TLN2: variants seen among roughly 807,000 people sequenced by gnomAD.
The protein encoded by TLN2 is talin 2.
Under a neutral mutation model 294.7 loss-of-function variants are expected in TLN2, and 118 were observed. The observed-to-expected ratio is 0.40, with a 90% CI of 0.34 to 0.47. TLN2 has a LOEUF of 0.47. Ranked by LOEUF, TLN2 falls within the 20% of genes least tolerant of loss-of-function variation. The probability of loss-of-function intolerance (pLI) is 0.84; values close to 1 mark genes in which losing one functional copy is unlikely to be tolerated. For missense variants in TLN2, 3,083 were observed against 3,282.2 expected, an observed-to-expected ratio of 0.94 and a Z score of 1.48; for synonymous variants, 1,431 against 1,304.5, an observed-to-expected ratio of 1.10 and a Z score of -2.09.
In TLN2 at chr15:62,762,328, A is replaced by G. The variant is rs1389913798; in HGVS notation, c.4836A>G (p.Ser1612=). The change falls in exon 39 of 59, where the codon TCA becomes TCG. Residue 1612 remains serine (S), a synonymous_variant. Coordinates refer to ENST00000636159, the MANE Select transcript of TLN2 (RefSeq NM_015059.3). ...CAGCCAAGACCATGCTGGAGAGTTCATCGTACCTCATTCGCACTGCACGCT... is the reference window on the plus strand; with the variant it reads ...CAGCCAAGACCATGCTGGAGAGTTCGTCGTACCTCATTCGCACTGCACGCT... ...LVSAKTMLES[S]SYLIRTARSL... The G allele has an allele frequency of 1.2e-6, 2 of 1,614,076 alleles. No individual in the cohort carries two copies. Among genetic ancestry groups the G allele is most frequent in the Non-Finnish European group, 8.5e-7 (1 of 1,180,048 alleles).
At chr15:62,659,696 G>GTA (rs1196012797) in intron 9 of TLN2, among the ~76,000 whole-genome samples, 3 of 152,160 alleles carry the variant, frequency 2.0e-5, no homozygotes, top group Admixed American at 6.5e-5. Flanking sequence ...AGTGGTACCT[G>GTA]TACCCTTATT....
intron 32 of TLN2, among the ~76,000 whole-genome samples, chr15:62,743,894 C>T (rs1242132840): frequency 2.0e-5 from 3 of 152,182 alleles, no homozygotes; most frequent in African/African-American, 4.8e-5. Flanking sequence ...TCCCTAGGAA[C>T]TCAAGGTAGC....
intron 3 of TLN2, among the ~76,000 whole-genome samples, chr15:62,641,359 G>A (rs1049611476): frequency 6.6e-5 from 10 of 152,118 alleles, no homozygotes; most frequent in African/African-American, 2.2e-4. Flanking sequence ...GCTCACACCT[G>A]TAATCCCAGC....
chr15:62,539,063 C>T (rs534663702), intron 1 of TLN2, among the ~76,000 whole-genome samples: 7 of 152,216 alleles, frequency 4.6e-5, no homozygotes, highest in African/African-American at 1.7e-4. Flanking sequence ...ATTTCAGGGC[C>T]AACCACAGCA....
At chr15:62,605,233 C>T (rs1408214578) in intron 2 of TLN2, among the ~76,000 whole-genome samples, 1 of 152,084 alleles carries the variant, frequency 6.6e-6, no homozygotes, top group Non-Finnish European at 1.5e-5. Context: ...TTGGGCAATA[C>T]TATAGTTTAT....
intron 1 of TLN2, among the ~76,000 whole-genome samples, chr15:62,420,077 A>G (rs533647862): frequency 4.6e-5 from 7 of 152,254 alleles, no homozygotes; most frequent in South Asian, 2.1e-4. Flanking sequence ...CTGAAGAACA[A>G]TAACACCAAT....
intron 3 of TLN2, among the ~76,000 whole-genome samples, chr15:62,631,839 C>T (rs2049930718): frequency 6.6e-6 from 1 of 151,956 alleles, no homozygotes; most frequent in Admixed American, 6.6e-5. Context: ...CTTGGCTTCC[C>T]AAAGTGCTGG....
chr15:62,652,183 AC>A, intron 6 of TLN2, 49 bp downstream of exon 6: 1 of 1,458,974 alleles, frequency 6.9e-7, no homozygotes, highest in Middle Eastern at 1.8e-4. Flanking sequence ...GTTTTTAATT[AC>A]AGGCCTCTTC....
At chr15:62,836,942 C>G (rs1027775360) in intron 57 of TLN2, among the ~76,000 whole-genome samples, 2 of 151,552 alleles carry the variant, frequency 1.3e-5, no homozygotes, top group African/African-American at 4.8e-5. Flanking sequence ...GCAAAGCTAG[C>G]TGGCCCATTC....
intron 1 of TLN2, among the ~76,000 whole-genome samples, chr15:62,510,924 A>C (rs887825894): frequency 2.0e-5 from 3 of 152,274 alleles, no homozygotes; most frequent in African/African-American, 7.2e-5. Flanking sequence ...ATGAAGTGTA[A>C]AAGTTAAGAC....
At chr15:62,623,858 A>C (rs755038031) in intron 3 of TLN2, among the ~76,000 whole-genome samples, 1 of 152,328 alleles carries the variant, frequency 6.6e-6, no homozygotes, top group East Asian at 1.9e-4. Flanking sequence ...TGGTTTTGGA[A>C]GATTAGTTGA....
At chr15:62,806,006 T>C (rs1596063555) in intron 51 of TLN2, among the ~76,000 whole-genome samples, 1 of 152,036 alleles carries the variant, frequency 6.6e-6, no homozygotes, top group African/African-American at 2.4e-5. Context: ...CTGGGCAACA[T>C]AGTGAGACCT....
intron 1 of TLN2, among the ~76,000 whole-genome samples, chr15:62,424,961 T>TC (rs1456617082): frequency 6.7e-6 from 1 of 149,552 alleles, no homozygotes; most frequent in African/African-American, 2.5e-5. Context: ...CCTTTTTTTT[T>TC]TTTTTTTTTA....
chr15:62,595,412 C>CAAA (rs35989710), intron 2 of TLN2, among the ~76,000 whole-genome samples: 7,904 of 81,886 alleles, frequency 0.097, 524 homozygotes, highest in East Asian at 0.18. Flanking sequence ...GACTCCGTCT[C>CAAA]AAAAAAAAAA....
chr15:62,599,063 T>C (rs569379744), intron 2 of TLN2, among the ~76,000 whole-genome samples: 7 of 152,324 alleles, frequency 4.6e-5, no homozygotes, highest in African/African-American at 1.7e-4. Context: ...TTGTCACCTC[T>C]GTGTCAGGCC....
At chr15:62,437,017 C>T (rs2035318553) in intron 1 of TLN2, among the ~76,000 whole-genome samples, 1 of 152,280 alleles carries the variant, frequency 6.6e-6, no homozygotes, top group South Asian at 2.1e-4. Flanking sequence ...GCGTGAGCCA[C>T]TGTGCCCAAC....
intron 1 of TLN2, among the ~76,000 whole-genome samples, chr15:62,424,634 A>G (rs1325675036): frequency 6.6e-6 from 1 of 150,978 alleles, no homozygotes; most frequent in East Asian, 1.9e-4. Flanking sequence ...CCGTCCAGGC[A>G]TCCCTATTTT....
chr15:62,609,213 A>G lies in TLN2; in HGVS notation c.-161-9138A>G, dbSNP rs536259756. On this transcript the variant is annotated intron_variant, in intron 2 of 58. Transcript: ENST00000636159. ...AGACTCACAGAGAAGCTGAAAATACAGCACAAAAGAAGGTTTCTGAACCAT... is the reference window on the plus strand; with the variant it reads ...AGACTCACAGAGAAGCTGAAAATACGGCACAAAAGAAGGTTTCTGAACCAT... 9.2e-5 allele frequency among the ~76,000 whole-genome samples: 14 copies of G among 152,344 alleles called. No individual in the cohort carries two copies. The East Asian group carries it at 2.7e-3, about 29-fold the overall frequency.
At chr15:62,668,936 A>T (rs2055063368) in intron 9 of TLN2, among the ~76,000 whole-genome samples, 1 of 152,232 alleles carries the variant, frequency 6.6e-6, no homozygotes, top group African/African-American at 2.4e-5. Context: ...GACATGTACC[A>T]CTTGAAACCC....
Sources: gnomAD v4.1 joint callset for allele counts (sites outside exome capture counted in the v4.1 genomes callset) on GRCh38, gnomAD v4.1.1 for gene constraint, MANE v1.5 for transcripts, NCBI Gene and HGNC (gene_info 2026-07-23, HGNC 2026-07-21) for gene names.